Variants in HEATR5A observed in about 807,000 individuals in gnomAD.
HEATR5A encodes the protein HEAT repeat containing 5A, also known as HEAT repeat-containing protein 5A.
A neutral mutation model predicts 218.8 loss-of-function variants in HEATR5A; 178 were observed. The observed-to-expected ratio is 0.81, with a 90% CI of 0.72 to 0.92. The LOEUF (loss-of-function observed/expected upper bound fraction) is 0.92, where lower values mean the gene tolerates loss of function less well. Ranked by LOEUF, HEATR5A falls within the 40% of genes least tolerant of loss-of-function variation. The probability of loss-of-function intolerance (pLI) is 0.00; values close to 1 mark genes in which losing one functional copy is unlikely to be tolerated. For synonymous variants in HEATR5A, 864 were observed against 871.6 expected (o/e 0.99, Z 0.15); for missense variants, 2,420 against 2,418.9 (o/e 1.00, Z -0.01).
rs61754159 is a variant in HEATR5A, at chr14:31,304,933, G to A, written c.5211C>T (p.Ser1737=). The change falls in exon 32 of 36, where the codon TCC becomes TCT. Residue 1737 remains serine, a synonymous_variant. Coordinates refer to ENST00000543095, the MANE Select transcript of HEATR5A (RefSeq NM_015473.4). ...RLVSAALVIL[S]ELPAVCSPEG... ...CAGGAGAGCACACTGCAGGAAGTTCGGAAAGGATAACCAATGCAGCTGAAA... is the reference window on the plus strand; with the variant it reads ...CAGGAGAGCACACTGCAGGAAGTTCAGAAAGGATAACCAATGCAGCTGAAA... 16 of 1,613,906 alleles carry A rather than the reference G, an allele frequency of 9.9e-6. No individual in the cohort carries two copies. The highest frequency in any genetic ancestry group is 1.6e-4 in the Middle Eastern group (1 of 6,062).
intron 33 of HEATR5A, among the ~76,000 whole-genome samples, chr14:31,298,764 A>C (rs115994632): frequency 0.017 from 2,597 of 151,666 alleles, 64 homozygotes; most frequent in African/African-American, 0.059. Context: ...CCCCATGTCC[A>C]CCTCCTTTTT....
chr14:31,298,901 A>G (rs1428209530), intron 33 of HEATR5A, among the ~76,000 whole-genome samples: 1 of 152,058 alleles, frequency 6.6e-6, no homozygotes, highest in African/African-American at 2.4e-5. Context: ...GATCTTTCCC[A>G]TGCCTTACAC....
chr14:31,394,062 A>T lies in HEATR5A; in HGVS notation c.762T>A (p.His254Gln). The change falls in exon 6 of 36, where the codon CAT (histidine) becomes CAA (glutamine). Residue 254 changes from histidine (H) to glutamine (Q), a missense_variant. Physicochemically the swap from His to Gln is conservative, Grantham distance 24. Coordinates refer to ENST00000543095, the MANE Select transcript of HEATR5A (RefSeq NM_015473.4). ...IILAKAVISK[H>Q]PGTAASRQSI... ...ATTACATGTATTTACCTGTTCCTGG[A>T]TGTTTAGAAATTACAGCTTTAGCTA... is the stretch of plus-strand genomic sequence containing the variant. 1 of 1,518,774 alleles carries T rather than the reference A, an allele frequency of 6.6e-7. No homozygotes were observed. The highest frequency in any genetic ancestry group is 1.4e-5 in the African/African-American group (1 of 72,192). The allele number at this position is 1,518,774 out of a possible 1,614,324, so 94.1% of individuals were successfully genotyped here.
chr14:31,351,135 G>T (rs1018125154), intron 16 of HEATR5A, among the ~76,000 whole-genome samples: 3 of 152,176 alleles, frequency 2.0e-5, no homozygotes, highest in African/African-American at 7.2e-5. Flanking sequence ...TGCAGTAATT[G>T]TAAGCATGAG....
chr14:31,369,627 A>AC (rs1259683095), intron 13 of HEATR5A, among the ~76,000 whole-genome samples: 1 of 148,786 alleles, frequency 6.7e-6, no homozygotes, highest in Non-Finnish European at 1.5e-5. Flanking sequence ...AAAAAAAAAA[A>AC]AAAAAAAAAC....
At chr14:31,415,854 C>G (rs777196987) in intron 1 of HEATR5A, among the ~76,000 whole-genome samples, 27 of 152,058 alleles carry the variant, frequency 1.8e-4, no homozygotes, top group Non-Finnish European at 3.4e-4. Context: ...AGAAGCATTA[C>G]TTGGGCAATA....
chr14:31,368,054 C>A (rs977327672), intron 13 of HEATR5A, among the ~76,000 whole-genome samples: 1 of 152,110 alleles, frequency 6.6e-6, no homozygotes, highest in African/African-American at 2.4e-5. Context: ...GAAACTTAAT[C>A]CCCAATGCAG....
chr14:31,400,513 C>T lies in HEATR5A; in HGVS notation c.127-1G>A, dbSNP rs1473800816. 10 of 1,520,602 alleles carry T rather than the reference C, an allele frequency of 6.6e-6. No individual in the cohort carries two copies. In the Admixed American group the frequency reaches 1.4e-4, roughly 21 times the overall value. 94.2% of individuals were successfully genotyped at this position (1,520,602 alleles called of 1,614,324 possible). A position where few individuals can be genotyped will look rare whatever the true frequency, so the allele number is the denominator to read the frequency against. Reference sequence around the variant, plus strand: ...TCTTCTGTTTCTCCCTTACATCATTCTAGAAAGAAAGATAACACAAAGACA... The same window carrying T: ...TCTTCTGTTTCTCCCTTACATCATTTTAGAAAGAAAGATAACACAAAGACA... On this transcript the variant is annotated splice_acceptor_variant, in intron 2 of 35. Coordinates refer to ENST00000543095, the MANE Select transcript of HEATR5A (RefSeq NM_015473.4). LOFTEE classifies it high-confidence loss of function.
rs1352006508 is a variant in HEATR5A at position 31,323,605 on chromosome 14, G to A, written c.3747C>T (p.Asp1249=). 3.1e-6 allele frequency: 5 copies of A among 1,611,728 alleles called. No individual in the cohort carries two copies. In the East Asian group the frequency reaches 1.1e-4, roughly 36 times the overall value. The change falls in exon 24 of 36, where the codon GAC becomes GAT. Residue 1249 remains aspartate (D), a synonymous_variant. Transcript: ENST00000543095. ...TTTTCATTTCTTGTGCTAAAGCAAT[G>A]TCAAAATGTGCACTGTTAGCATTCT... ...QCENANSAHF[D]IALAQEMKKR...
At chr14:31,357,801 A>C (rs1160413503) in intron 16 of HEATR5A, among the ~76,000 whole-genome samples, 3 of 152,198 alleles carry the variant, frequency 2.0e-5, no homozygotes, top group Non-Finnish European at 4.4e-5. Flanking sequence ...TACATTGTGA[A>C]ATAGATTACC....
rs1450663326 is a variant in HEATR5A, at chr14:31,380,561, T to C, written c.1614A>G (p.Ala538=). 13 of 1,596,896 alleles carry C rather than the reference T, an allele frequency of 8.1e-6. No homozygotes were observed. Among genetic ancestry groups the C allele is most frequent in the Non-Finnish European group, 1.1e-5 (13 of 1,171,036 alleles). ...HGKGKIIMTL[A]EDLLCSAAQN... ...GAGCAGCAGAACACAGCAAATCCTC[T>C]GCTAATGTCATAATAATCTATTTAC... Residue 538 remains alanine, a synonymous_variant, in exon 11 of 36, where the codon GCA becomes GCG. Coordinates refer to ENST00000543095, the MANE Select transcript of HEATR5A (RefSeq NM_015473.4).
chr14:31,380,509 T>G lies in HEATR5A; in HGVS notation c.1666A>C (p.Thr556Pro), dbSNP rs751691073. The change falls in exon 11 of 36, where the codon ACA becomes CCA. Residue 556 changes from threonine (T) to proline (P), a missense_variant. By Grantham distance (38) the Thr-to-Pro change is conservative. Coordinates refer to ENST00000543095, the MANE Select transcript of HEATR5A (RefSeq NM_015473.4). ...GAAATCAGCAACCATCCAGCTTGTG[T>G]GCGCTGAGCTGAAAGGCGACTGTTT... ...AQNSRLSAQRTQAGWLLISAL... is the reference protein window; with the variant it reads ...AQNSRLSAQRPQAGWLLISAL... 27 of 1,609,156 alleles carry G rather than the reference T, an allele frequency of 1.7e-5. No individual in the cohort carries two copies. The highest frequency in any genetic ancestry group is 2.3e-5 in the Non-Finnish European group (27 of 1,177,764).
intron 14 of HEATR5A, among the ~76,000 whole-genome samples, chr14:31,363,531 T>A (rs1901699185): frequency 6.6e-6 from 1 of 152,208 alleles, no homozygotes; most frequent in Non-Finnish European, 1.5e-5. Context: ...CCACTCTTTA[T>A]CTGGTATGTG....
chr14:31,367,868 G>A (rs1901864433), intron 13 of HEATR5A, among the ~76,000 whole-genome samples: 1 of 152,028 alleles, frequency 6.6e-6, no homozygotes, highest in African/African-American at 2.4e-5. Flanking sequence ...AGAGAGCACA[G>A]GCATAGATCA....
chr14:31,337,718 C>G, intron 21 of HEATR5A, 104 bp from the exon 22 acceptor site: 1 of 896,456 alleles, frequency 1.1e-6, no homozygotes, highest in Non-Finnish European at 1.7e-6. Context: ...TCCAGCCCAT[C>G]AGTGGGCTGG....
intron 1 of HEATR5A, among the ~76,000 whole-genome samples, chr14:31,419,067 A>G (rs992547354): frequency 2.0e-5 from 3 of 152,162 alleles, no homozygotes; most frequent in Admixed American, 1.3e-4. Flanking sequence ...GAATAATACT[A>G]AAAAAGTGAC....
intron 21 of HEATR5A, among the ~76,000 whole-genome samples, chr14:31,342,813 T>C (rs1018157437): frequency 6.6e-6 from 1 of 152,212 alleles, no homozygotes; most frequent in Non-Finnish European, 1.5e-5. Context: ...TTGGTTTTAA[T>C]AATGCAAACA....
At chr14:31,326,557 GA>G (rs1310881939) in intron 22 of HEATR5A, among the ~76,000 whole-genome samples, 3 of 151,916 alleles carry the variant, frequency 2.0e-5, no homozygotes, top group Non-Finnish European at 2.9e-5. Flanking sequence ...TAATGTCACT[GA>G]AAAAAAGTAT....
At chr14:31,367,171 C>T (rs542077806) in intron 13 of HEATR5A, among the ~76,000 whole-genome samples, 1 of 152,234 alleles carries the variant, frequency 6.6e-6, no homozygotes, top group South Asian at 2.1e-4. Flanking sequence ...AATAAACAGA[C>T]TATATACACT....
Sources: gnomAD v4.1 joint callset for allele counts (sites outside exome capture counted in the v4.1 genomes callset) on GRCh38, gnomAD v4.1.1 for gene constraint, MANE v1.5 for transcripts, NCBI Gene and HGNC (gene_info 2026-07-23, HGNC 2026-07-21) for gene names.